Variants in RDH13 observed in about 807,000 individuals in gnomAD.
The protein encoded by RDH13 is retinol dehydrogenase 13.
Under a neutral mutation model 28.3 loss-of-function variants are expected in RDH13, and 35 were observed. The observed-to-expected ratio is 1.24, with a 90% CI of 0.95 to 1.64. RDH13 has a LOEUF of 1.64. RDH13 is among the 40% of genes most tolerant of loss of function. The probability of loss-of-function intolerance (pLI) is 0.00; values close to 1 mark genes in which losing one functional copy is unlikely to be tolerated. For synonymous variants in RDH13, 229 were observed against 198.5 expected (o/e 1.15, Z -1.29); for missense variants, 514 against 446.3 (o/e 1.15, Z -1.37).
rs544488796 is a variant in RDH13 at position 55,062,914 on chromosome 19, C to A, written c.65+54G>T. On this transcript the variant is annotated intron_variant, in intron 1 of 6. Transcript: ENST00000415061. ...GCGGGGGTCTCCGCCGCCTTCCCGG[C>A]CCCTGCGCTGGGGGCCCGCCTTGAC... The A allele has an allele frequency of 1.8e-5, 25 of 1,367,934 alleles. No homozygotes were observed. In the South Asian group the frequency reaches 3.6e-4, roughly 20 times the overall value. 84.7% of individuals were successfully genotyped at this position (1,367,934 alleles called of 1,614,324 possible).
chr19:55,045,253 A>G lies in RDH13; in HGVS notation c.817T>C (p.Tyr273His). Residue 273 changes from tyrosine to histidine, a missense_variant, in exon 7 of 7, where the codon TAC becomes CAC. Coordinates refer to ENST00000415061, the MANE Select transcript of RDH13 (RefSeq NM_001145971.2). ...SPELAAQPST[Y>H]LAVAEELADV... is the part of the protein sequence containing the mutation. Reference sequence around the variant, plus strand: ...GCCAGTTCCTCCGCCACGGCCAGGTATGTGCTGGGCTGGGCGGCCAGCTCG... The same window carrying G: ...GCCAGTTCCTCCGCCACGGCCAGGTGTGTGCTGGGCTGGGCGGCCAGCTCG... 3.7e-6 allele frequency: 6 copies of G among 1,613,322 alleles called. No individual in the cohort carries two copies. Among genetic ancestry groups the G allele is most frequent in the Non-Finnish European group, 5.1e-6 (6 of 1,180,022 alleles).
At chr19:55,046,576 A>G (rs781294782) in intron 6 of RDH13, 1 of 151,920 alleles carries the variant, frequency 6.6e-6, no homozygotes, top group Non-Finnish European at 1.5e-5. Context: ...AAGATTCTTG[A>G]TGCCAACCAA....
rs2075709937 is a variant in RDH13 at position 55,058,571 on chromosome 19, AG to A, written c.184+585del. Reference sequence around the variant, plus strand: ...CCAACTTCTCTATGAATTTAACTGTAGGTAGCTCCTGTAAGTGGAATCATAC... The same window carrying A: ...CCAACTTCTCTATGAATTTAACTGTAGTAGCTCCTGTAAGTGGAATCATAC... On this transcript the variant is annotated intron_variant, in intron 2 of 6. Coordinates refer to ENST00000415061, the MANE Select transcript of RDH13 (RefSeq NM_001145971.2). Among the ~76,000 whole-genome samples the A allele has an allele frequency of 3.3e-5, 5 of 152,196 alleles. No homozygotes were observed. In the South Asian group the frequency reaches 1.0e-3, roughly 32 times the overall value.
At chr19:55,056,511 AAG>A (rs1439612832) in intron 3 of RDH13, 140 bp downstream of exon 3, 1 of 967,654 alleles carries the variant, frequency 1.0e-6, no homozygotes, top group Non-Finnish European at 1.5e-6. Context: ...TGTACAAAAA[AAG>A]GCAGCAACTG....
rs188775935 is a variant in RDH13, at chr19:55,060,022, T to G, written c.66-747A>C. On this transcript the variant is annotated intron_variant, in intron 1 of 6. Transcript: ENST00000415061. ...AGAAAGCTGCAGGGACCTCTGCCCT[T>G]GAACACAGAGTATTGTCCAAGGTTT... Among the ~76,000 whole-genome samples the G allele has an allele frequency of 7.8e-3, 1,189 of 151,760 alleles. 27 individuals are homozygous for G. Among genetic ancestry groups the G allele is most frequent in the African/African-American group, 0.027 (1,125 of 41,030 alleles).
chr19:55,045,448 C>G (rs908680403), intron 6 of RDH13, 139 bp from the exon 7 acceptor site: 6 of 626,104 alleles, frequency 9.6e-6, no homozygotes, highest in Non-Finnish European at 1.6e-5. Context: ...CTGCCTCCAT[C>G]TGCAGTTCCC....
At chr19:55,056,540 CAT>C in intron 3 of RDH13, 111 bp downstream of exon 3, 2 of 1,373,560 alleles carry the variant, frequency 1.5e-6, no homozygotes, top group East Asian at 2.5e-5. Context: ...GCCCCTAACT[CAT>C]AGTTTGCCAA....
downstream of RDH13, chr19:55,039,371 A>G (rs1205817101): frequency 6.6e-6 from 1 of 152,150 alleles, no homozygotes; most frequent in Admixed American, 6.5e-5. Context: ...ATCTCTACTA[A>G]AAATACAAAA....
At chr19:55,065,209 A>G (rs2147090133), upstream of RDH13, among the ~76,000 whole-genome samples, 1 of 151,128 alleles carries the variant, frequency 6.6e-6, no homozygotes, top group East Asian at 2.0e-4. Context: ...ACACGGCAAA[A>G]CCTTATCTCT....
rs1480123094 is a variant in RDH13, at chr19:55,048,029, C to T, written c.658+300G>A. On this transcript the variant is annotated intron_variant, in intron 5 of 6. Transcript: ENST00000415061. Reference sequence around the variant, plus strand: ...ATTGACAACTGCGGGTCAAAACTGCCCCTGGTTGAGACTCACTGGCTGGAG... The same window carrying T: ...ATTGACAACTGCGGGTCAAAACTGCTCCTGGTTGAGACTCACTGGCTGGAG... 4.9e-6 allele frequency: 7 copies of T among 1,437,004 alleles called. No homozygotes were observed. The African/African-American group carries it at 8.5e-5, about 17-fold the overall frequency. The allele number at this position is 1,437,004 out of a possible 1,614,324, so 89.0% of individuals were successfully genotyped here.
intron 2 of RDH13, 47 bp downstream of exon 2, chr19:55,059,110 T>C: frequency 2.4e-6 from 3 of 1,238,982 alleles, no homozygotes; most frequent in Non-Finnish European, 3.5e-6. Context: ...GCAGTGAGCA[T>C]GGATGTACAG....
chr19:55,051,498 A>G (rs527511936), intron 3 of RDH13, among the ~76,000 whole-genome samples: 2 of 150,520 alleles, frequency 1.3e-5, no homozygotes, highest in Non-Finnish European at 3.0e-5. Flanking sequence ...ATCTTGGCCC[A>G]TGGCCCACTG....
chr19:55,062,617 C>A lies in RDH13; in HGVS notation c.65+351G>T, dbSNP rs569177270. ...ATCACCTGAGCCCAGGAGGTCAAGG[C>A]TGCAGTGAGCCAAGATCGCGCCACT... is the stretch of plus-strand genomic sequence containing the variant. On this transcript the variant is annotated intron_variant, in intron 1 of 6. Transcript: ENST00000415061. Among the ~76,000 whole-genome samples, 3 of 152,086 alleles carry A rather than the reference C, an allele frequency of 2.0e-5. No individual in the cohort carries two copies. The East Asian group carries it at 5.8e-4, about 30-fold the overall frequency.
chr19:55,048,177 G>A lies in RDH13; in HGVS notation c.658+152C>T, dbSNP rs775822. 1.7e-4 allele frequency: 268 copies of A among 1,535,726 alleles called. No individual in the cohort carries two copies. In the African/African-American group the frequency reaches 3.2e-3, roughly 18 times the overall value. On this transcript the variant is annotated intron_variant, in intron 5 of 6. Coordinates refer to ENST00000415061, the MANE Select transcript of RDH13 (RefSeq NM_001145971.2). Reference sequence around the variant, plus strand: ...GATCGATTAGTGATGTCTGCTTCAGGCACCAGAAGCGGGCAGCGTGGTCCA... The same window carrying A: ...GATCGATTAGTGATGTCTGCTTCAGACACCAGAAGCGGGCAGCGTGGTCCA...
chr19:55,043,785 C>CT (rs1408582871), downstream of RDH13, among the ~76,000 whole-genome samples: 2 of 152,160 alleles, frequency 1.3e-5, no homozygotes, highest in African/African-American at 4.8e-5. Flanking sequence ...GGTTCTGCAC[C>CT]TAAGCTAAGA....
At chr19:55,065,713 T>C (rs2075947613), upstream of RDH13, among the ~76,000 whole-genome samples, 1 of 151,652 alleles carries the variant, frequency 6.6e-6, no homozygotes, top group African/African-American at 2.4e-5. Flanking sequence ...AAATAAGCAG[T>C]GCGCCACAGT....
chr19:55,040,131 T>C (rs970085863), downstream of RDH13, among the ~76,000 whole-genome samples: 2 of 152,198 alleles, frequency 1.3e-5, no homozygotes, highest in Non-Finnish European at 2.9e-5. Flanking sequence ...ACTGTAAATG[T>C]ATTTATATTT....
At chr19:55,068,145 CTGTCTCTCTCTTCCTCTTTTCCTT>C (rs142250866), upstream of RDH13, among the ~76,000 whole-genome samples, 9,164 of 150,758 alleles carry the variant, frequency 0.061, 446 homozygotes, top group African/African-American at 0.13. Flanking sequence ...CTCTTTCTCC[CTGTCTCTCTCTTCCTCTTTTCCTT>C]TGTCTCTCTC....
chr19:55,056,061 G>A (rs2075621438), intron 3 of RDH13, among the ~76,000 whole-genome samples: 1 of 152,028 alleles, frequency 6.6e-6, no homozygotes. Flanking sequence ...GGCTGAAGCA[G>A]GAGAATCATT....
Sources: allele counts gnomAD v4.1 joint callset (sites outside exome capture counted in the v4.1 genomes callset), GRCh38; gene constraint gnomAD v4.1.1; transcripts MANE v1.5; gene names NCBI Gene and HGNC (gene_info 2026-07-23, HGNC 2026-07-21).